APBA2: variants seen among roughly 807,000 people sequenced by gnomAD.
The protein encoded by APBA2 is amyloid beta precursor protein binding family A member 2.
In APBA2, 30 loss-of-function variants were observed where a neutral mutation model predicts 75.0. The observed-to-expected ratio is 0.40, with a 90% CI of 0.30 to 0.54. APBA2 has a LOEUF of 0.54. APBA2 is among the 20% of genes least tolerant of loss of function. The pLI, the probability that APBA2 is intolerant of heterozygous loss-of-function variation, is 0.49. For synonymous variants in APBA2, 444 were observed against 409.6 expected, an observed-to-expected ratio of 1.08 and a Z score of -1.01; for missense variants, 801 against 1,016.1, an observed-to-expected ratio of 0.79 and a Z score of 2.88.
At chr15:29,062,087 G>T (rs889004725) in intron 4 of APBA2, among the ~76,000 whole-genome samples, 1 of 152,118 alleles carries the variant, frequency 6.6e-6, no homozygotes, top group Non-Finnish European at 1.5e-5. Flanking sequence ...GAGGGCAGGG[G>T]GTTATGGGGG....
chr15:29,106,382 G>C (rs933599880), intron 11 of APBA2, among the ~76,000 whole-genome samples: 1 of 150,614 alleles, frequency 6.6e-6, no homozygotes, highest in Non-Finnish European at 1.5e-5. Context: ...TCCCAGGATT[G>C]CTGGGTGGAC....
chr15:28,994,592 T>G (rs112391432), intron 2 of APBA2, among the ~76,000 whole-genome samples: 1 of 152,178 alleles, frequency 6.6e-6, no homozygotes, highest in Non-Finnish European at 1.5e-5. Flanking sequence ...CTCAGAGACG[T>G]TGGGTCATCT....
intron 4 of APBA2, among the ~76,000 whole-genome samples, chr15:29,064,992 C>T (rs948191013): frequency 2.6e-5 from 4 of 151,222 alleles, no homozygotes; most frequent in African/African-American, 4.9e-5. Context: ...GCCAGCAAGC[C>T]GAGGTGCTCA....
At chr15:28,939,857 G>C (rs1480310226) in intron 2 of APBA2, among the ~76,000 whole-genome samples, 4 of 152,294 alleles carry the variant, frequency 2.6e-5, no homozygotes, top group East Asian at 3.9e-4. Flanking sequence ...GAGTAGATAA[G>C]CACAGAAACA....
rs546621289 is a variant in APBA2, at chr15:29,038,804, G to T, written c.-40-15041G>T. Among the ~76,000 whole-genome samples the T allele has an allele frequency of 1.2e-3, 188 of 151,348 alleles. 4 individuals carry two copies. The South Asian group carries it at 0.037, about 30-fold the overall frequency. ...TTCTCTTGCCTCAGCCTCCCGAGTA[G>T]CTGGGATTACAGGTGTGCGCCACCA... On this transcript the variant is annotated intron_variant, in intron 3 of 14. Coordinates refer to ENST00000683413, the MANE Select transcript of APBA2 (RefSeq NM_001353788.2).
chr15:28,950,959 C>T (rs1226771150), intron 2 of APBA2, among the ~76,000 whole-genome samples: 4 of 152,152 alleles, frequency 2.6e-5, no homozygotes, highest in Non-Finnish European at 4.4e-5. Flanking sequence ...GGTGGCATCC[C>T]ATGTCCCTTA....
chr15:28,961,066 A>G (rs2036443724), intron 2 of APBA2, among the ~76,000 whole-genome samples: 2 of 152,158 alleles, frequency 1.3e-5, no homozygotes, highest in South Asian at 2.1e-4. Flanking sequence ...GCCGACACCC[A>G]TCATTCTTAC....
chr15:29,053,024 A>G (rs948106478), intron 3 of APBA2, among the ~76,000 whole-genome samples: 1 of 152,148 alleles, frequency 6.6e-6, no homozygotes, highest in African/African-American at 2.4e-5. Context: ...TCTCCAACGC[A>G]TGAACTTTGG....
intron 3 of APBA2, among the ~76,000 whole-genome samples, chr15:29,018,427 C>T (rs1189672766): frequency 1.3e-5 from 2 of 152,170 alleles, no homozygotes; most frequent in Admixed American, 6.5e-5. Flanking sequence ...TATATCCCTA[C>T]AGAGACTTCA....
chr15:28,978,395 G>T (rs1006610532), intron 2 of APBA2, among the ~76,000 whole-genome samples: 1 of 152,212 alleles, frequency 6.6e-6, no homozygotes, highest in African/African-American at 2.4e-5. Context: ...GTTCTGTAGA[G>T]CTTTGAGCCG....
chr15:29,011,810 C>T (rs1435633587), intron 3 of APBA2, among the ~76,000 whole-genome samples: 2 of 152,004 alleles, frequency 1.3e-5, no homozygotes, highest in Admixed American at 6.6e-5. Context: ...CCTGTCAATT[C>T]TCCCTTTATA....
chr15:29,069,409 G>T (rs959821088), intron 4 of APBA2, among the ~76,000 whole-genome samples: 1 of 152,210 alleles, frequency 6.6e-6, no homozygotes, highest in South Asian at 2.1e-4. Context: ...TGGTTATTCA[G>T]TGTTTACCGT....
In APBA2 at chr15:29,113,956, G is replaced by A. The variant is rs756771603; in HGVS notation, c.2118G>A (p.Gln706=). ...VGHRIIEING[Q]SVVATAHEKI... is the part of the protein sequence containing the mutation. ...ACCGCATCATCGAGATCAACGGGCA[G>A]AGCGTGGTGGCCACAGCCCACGAGA... The change falls in exon 14 of 15, where the codon CAG becomes CAA. Residue 706 remains glutamine, a synonymous_variant. Transcript: ENST00000683413. 3.1e-6 allele frequency: 5 copies of A among 1,613,702 alleles called. No individual in the cohort carries two copies. The highest frequency in any genetic ancestry group is 3.4e-6 in the Non-Finnish European group (4 of 1,180,040).
At chr15:29,062,736 C>T (rs989789918) in intron 4 of APBA2, among the ~76,000 whole-genome samples, 15 of 151,928 alleles carry the variant, frequency 9.9e-5, no homozygotes, top group Non-Finnish European at 4.4e-5. Context: ...AAGTGCCTCT[C>T]CCCTCAAACA....
chr15:28,903,570 G>A (rs1241680956), intron 1 of APBA2, among the ~76,000 whole-genome samples: 2 of 152,216 alleles, frequency 1.3e-5, no homozygotes, highest in African/African-American at 4.8e-5. Flanking sequence ...ATTGCCCAGG[G>A]AGGGCAGAGC....
chr15:28,962,109 C>T (rs974099873), intron 2 of APBA2, among the ~76,000 whole-genome samples: 4 of 152,020 alleles, frequency 2.6e-5, no homozygotes, highest in African/African-American at 4.8e-5. Flanking sequence ...GGGGCGTGAA[C>T]GTGTGTCATA....
intron 2 of APBA2, among the ~76,000 whole-genome samples, chr15:28,943,097 A>G (rs2035329218): frequency 6.6e-6 from 1 of 152,184 alleles, no homozygotes; most frequent in South Asian, 2.1e-4. Flanking sequence ...AGTTTTTGAA[A>G]ACTACCATTC....
At position 28,921,767 on chromosome 15, in the gene APBA2, T is replaced by G. The variant is rs2033981783; in HGVS notation, c.-95+18T>G. The stretch of plus-strand genomic sequence containing the variant: ...GATTCTGAGTGAGTAGAACCCGTTA[T>G]GATCCCCACTGCACTTAATGTGGCA... On this transcript the variant is annotated intron_variant, in intron 2 of 14. Transcript: ENST00000683413. 6.6e-6 allele frequency: 1 copy of G among 152,350 alleles called. No homozygotes were observed. The highest frequency in any genetic ancestry group is 1.5e-5 in the Non-Finnish European group (1 of 68,062). 9.4% of individuals were successfully genotyped at this position (152,350 alleles called of 1,614,324 possible).
intron 11 of APBA2, 114 bp from the exon 12 acceptor site, chr15:29,106,493 C>A (rs2044412168): frequency 8.3e-7 from 1 of 1,209,498 alleles, no homozygotes; most frequent in Non-Finnish European, 1.2e-6. Flanking sequence ...AGCCTTGGAT[C>A]CCAGGGCAGG....
Sources: gnomAD v4.1 joint callset for allele counts (sites outside exome capture counted in the v4.1 genomes callset) on GRCh38, gnomAD v4.1.1 for gene constraint, MANE v1.5 for transcripts, NCBI Gene and HGNC (gene_info 2026-07-23, HGNC 2026-07-21) for gene names.